ELF2: variants seen among roughly 807,000 people sequenced by gnomAD.
ELF2 encodes the protein E74 like ETS transcription factor 2, also known as ETS-related transcription factor Elf-2.
Under a neutral mutation model 54.8 loss-of-function variants are expected in ELF2, and 11 were observed. The ratio of observed to expected loss-of-function variants is 0.20; its 90% CI spans 0.13 to 0.33. The LOEUF (loss-of-function observed/expected upper bound fraction) is 0.33, where lower values mean the gene tolerates loss of function less well. ELF2 is among the 10% of genes least tolerant of loss of function. The pLI is 1.00. For missense variants in ELF2, 513 were observed against 703.0 expected (o/e 0.73, Z 3.06); for synonymous variants, 203 against 245.1 (o/e 0.83, Z 1.61).
rs754391158 is a variant in ELF2, at chr4:139,059,307, A to C, written c.1458T>G (p.Ile486Met). 2.5e-5 allele frequency: 41 copies of C among 1,613,822 alleles called. No individual in the cohort carries two copies. The change falls in exon 10 of 10, where the codon ATT becomes ATG. Residue 486 changes from isoleucine (I) to methionine (M), a missense_variant. Coordinates refer to ENST00000686138, the MANE Select transcript of ELF2 (RefSeq NM_001331036.3). ...CTCTCACAGCCAATGGGGTTCCAAC[A>C]ATGTTAATGCTTCCTGATCCAGTCA... ...SNLTGSGSIN[I>M]VGTPLAVRAL...
At chr4:139,092,414 TACATAACATAACATA>T (rs1553959669) in intron 4 of ELF2, among the ~76,000 whole-genome samples, 17 of 87,762 alleles carry the variant, frequency 1.9e-4, no homozygotes, top group African/African-American at 3.0e-4. Context: ...TAACATAACA[TACATAACATAACATA>T]ACATAACATA....
At chr4:139,080,880 G>C (rs1731008229) in intron 4 of ELF2, among the ~76,000 whole-genome samples, 1 of 147,410 alleles carries the variant, frequency 6.8e-6, no homozygotes, top group Non-Finnish European at 1.5e-5. Context: ...CTGGATAAAA[G>C]AAGTTAACCT....
intron 1 of ELF2, among the ~76,000 whole-genome samples, chr4:139,176,636 G>T (rs1245462094): frequency 6.6e-6 from 1 of 152,078 alleles, no homozygotes; most frequent in African/African-American, 2.4e-5. Flanking sequence ...GACCAGCTGC[G>T]CTCGGCCCAT....
chr4:139,059,259 G>A lies in ELF2; in HGVS notation c.1506C>T (p.Ala502=), dbSNP rs767646542. The change falls in exon 10 of 10, where the codon GCC becomes GCT. Residue 502 remains alanine (A), a synonymous_variant. Transcript: ENST00000686138. ...ATAGTCTCATTACAGGTGTACCATG[G>A]GCTATTGAAACAGGGGTAAGTGCTC... ...AVRALTPVSI[A]HGTPVMRLSM... The A allele has an allele frequency of 2.5e-6, 4 of 1,613,872 alleles. No individual in the cohort carries two copies. Among genetic ancestry groups the A allele is most frequent in the Non-Finnish European group, 3.4e-6 (4 of 1,179,866 alleles).
chr4:139,106,042 C>T (rs1734369713), intron 4 of ELF2, among the ~76,000 whole-genome samples: 1 of 152,062 alleles, frequency 6.6e-6, no homozygotes, highest in African/African-American at 2.4e-5. Context: ...TCTGATAATT[C>T]TTATGTATGC....
intron 7 of ELF2, chr4:139,066,989 T>G (rs916313490): frequency 9.9e-5 from 15 of 152,050 alleles, no homozygotes; most frequent in African/African-American, 2.9e-4. Flanking sequence ...AAGTTATGTA[T>G]CAGGCTAGTT....
rs1365966309 is a variant in ELF2 at position 139,071,898 on chromosome 4, G to C, written c.494C>G (p.Pro165Arg). The C allele has an allele frequency of 6.2e-7, 1 of 1,605,948 alleles. No homozygotes were observed. Among genetic ancestry groups the C allele is most frequent in the African/African-American group, 1.3e-5 (1 of 74,278 alleles). ...CTTTTTCATTGGTTCATGGCTATCT[G>C]GTGATGTTGGAATAGGAGAGGTATC... ...PMDTSPIPTS[P>R]DSHEPMKKKK... is the part of the protein sequence containing the mutation. The change falls in exon 6 of 10, where the codon CCA (proline) becomes CGA (arginine). Residue 165 changes from proline (P) to arginine (R), a missense_variant. This residue lies in a region of ELF2 where 203 missense variants were observed against 245.9 expected (regional missense o/e 0.83). Transcript: ENST00000686138.
In ELF2 at chr4:139,173,461, A is replaced by T. The variant is rs999960266; in HGVS notation, c.-252+3506T>A. Among the ~76,000 whole-genome samples the T allele has an allele frequency of 1.4e-4, 21 of 151,884 alleles. 1 individual carries two copies. The highest frequency in any genetic ancestry group is 3.4e-4 in the African/African-American group (14 of 41,320). ...CATAAATAGAATATTACTCATCAAT[A>T]AAAAAAATGATTACAGGGTGGGTGC... On this transcript the variant is annotated intron_variant, in intron 1 of 9. Transcript: ENST00000686138.
At chr4:139,075,576 C>T (rs551939837) in intron 4 of ELF2, among the ~76,000 whole-genome samples, 75 of 152,242 alleles carry the variant, frequency 4.9e-4, no homozygotes, top group Non-Finnish European at 9.3e-4. Flanking sequence ...ATTACAGGCA[C>T]ATGCCACCAT....
chr4:139,118,107 AT>A (rs1333359402), intron 4 of ELF2, among the ~76,000 whole-genome samples: 1 of 152,162 alleles, frequency 6.6e-6, no homozygotes, highest in Non-Finnish European at 1.5e-5. Flanking sequence ...TTCCATTTGT[AT>A]TTTCCAGCTA....
intron 3 of ELF2, among the ~76,000 whole-genome samples, chr4:139,134,991 T>G (rs867555115): frequency 6.6e-6 from 1 of 152,218 alleles, no homozygotes; most frequent in South Asian, 2.1e-4. Flanking sequence ...GTTTACTATT[T>G]TGGGACATCA....
intron 6 of ELF2, 134 bp downstream of exon 6, chr4:139,071,732 C>A (rs1729538718): frequency 4.7e-6 from 4 of 843,400 alleles, no homozygotes; most frequent in Admixed American, 3.5e-5. Flanking sequence ...AATGTTGATT[C>A]TTTGAGAATA....
At chr4:139,137,529 G>T in intron 3 of ELF2, 101 bp downstream of exon 3, 1 of 1,168,110 alleles carries the variant, frequency 8.6e-7, no homozygotes, top group Non-Finnish European at 1.3e-6. Context: ...TTCATGCTTT[G>T]TACATTTTTA....
At chr4:139,064,281 G>A (rs527380173) in intron 7 of ELF2, among the ~76,000 whole-genome samples, 9 of 152,242 alleles carry the variant, frequency 5.9e-5, no homozygotes, top group Non-Finnish European at 7.4e-5. Flanking sequence ...GCACTGCACC[G>A]CACTGCCTGA....
intron 4 of ELF2, among the ~76,000 whole-genome samples, chr4:139,087,973 A>C (rs1208902431): frequency 1.3e-5 from 2 of 152,096 alleles, no homozygotes; most frequent in African/African-American, 4.8e-5. Context: ...CCCATATATA[A>C]TTCTTGTTTA....
At chr4:139,069,976 G>A (rs1354872548) in intron 6 of ELF2, among the ~76,000 whole-genome samples, 1 of 151,280 alleles carries the variant, frequency 6.6e-6, no homozygotes, top group Admixed American at 6.6e-5. Context: ...GAGTAGCTAG[G>A]ACTACAGGCA....
rs765886805 is a variant in ELF2, at chr4:139,059,405, T to G, written c.1360A>C (p.Met454Leu). 2 of 1,613,974 alleles carry G rather than the reference T, an allele frequency of 1.2e-6. No homozygotes were observed. The highest frequency in any genetic ancestry group is 2.7e-5 in the African/African-American group (2 of 75,054). Residue 454 changes from methionine to leucine, a missense_variant, in exon 10 of 10, where the codon ATG becomes CTG. Around this residue, in one of 3 missense-constraint regions of ELF2, gnomAD observed 291 missense variants for 366.1 expected, o/e 0.79. Coordinates refer to ENST00000686138, the MANE Select transcript of ELF2 (RefSeq NM_001331036.3). ...ASTENGDKIT[M>L]QPAKIITIPA... is the part of the protein sequence containing the mutation. ...ATGGTAATAATTTTGGCAGGCTGCA[T>G]GGTGATTTTGTCTCCATTTTCAGTA...
At chr4:139,149,662 A>T (rs561057200) in intron 1 of ELF2, among the ~76,000 whole-genome samples, 4 of 152,126 alleles carry the variant, frequency 2.6e-5, no homozygotes, top group African/African-American at 4.8e-5. Flanking sequence ...ATTTACCATA[A>T]CCATAAAAAC....
At position 139,163,743 on chromosome 4, in the gene ELF2, G is replaced by C. The variant is rs551025193; in HGVS notation, c.-252+13224C>G. On this transcript the variant is annotated intron_variant, in intron 1 of 9. Transcript: ENST00000686138. The stretch of plus-strand genomic sequence containing the variant: ...AGCCTGTTCAACACAATGAAACCCC[G>C]TCTCTACAAAAAATACAAAAACTAG... Among the ~76,000 whole-genome samples, 4 of 152,068 alleles carry C rather than the reference G, an allele frequency of 2.6e-5. No homozygotes were observed. The South Asian group carries it at 6.2e-4, about 24-fold the overall frequency.
Sources: gnomAD v4.1 joint callset for allele counts (sites outside exome capture counted in the v4.1 genomes callset) on GRCh38, gnomAD v4.1.1 for gene constraint, gnomAD v4.1.1 regional missense constraint, MANE v1.5 for transcripts, NCBI Gene and HGNC (gene_info 2026-07-23, HGNC 2026-07-21) for gene names.